The following CNTNAP3B variants were observed in gnomAD, a reference collection of about 807,000 sequenced individuals.
CNTNAP3B encodes the protein contactin associated protein family member 3B.
A neutral mutation model predicts 108.9 loss-of-function variants in CNTNAP3B; 25 were observed. That is an observed-to-expected ratio of 0.23 (90% CI 0.17 to 0.32). CNTNAP3B has a LOEUF of 0.32. CNTNAP3B is among the 10% of genes least tolerant of loss of function. The pLI is 1.00. For synonymous variants in CNTNAP3B, 103 were observed against 473.4 expected, an observed-to-expected ratio of 0.22 and a Z score of 10.16; for missense variants, 252 against 1,210.4, an observed-to-expected ratio of 0.21 and a Z score of 11.75.
At chr9:41,894,610 CT>C (rs1443741520) in intron 23 of CNTNAP3B, among the ~76,000 whole-genome samples, 2 of 7,016 alleles carry the variant, frequency 2.9e-4, no homozygotes, top group African/African-American at 1.6e-3. Flanking sequence ...CGGACTATGA[CT>C]TTTGGATATG....
chr9:41,961,156 G>T (rs1242163280), intron 11 of CNTNAP3B, among the ~76,000 whole-genome samples: 1 of 152,304 alleles, frequency 6.6e-6, no homozygotes, highest in African/African-American at 2.4e-5. Flanking sequence ...ATAAATATTC[G>T]GTCACAGTGT....
At chr9:41,925,786 T>C (rs1448739170) in intron 15 of CNTNAP3B, among the ~76,000 whole-genome samples, 684 of 151,824 alleles carry the variant, frequency 4.5e-3, no homozygotes, top group African/African-American at 0.016. Context: ...CACCCATGCC[T>C]TTTTCAGCTT....
intron 2 of CNTNAP3B, among the ~76,000 whole-genome samples, chr9:42,082,833 T>C (rs1827629699): frequency 2.8e-5 from 4 of 141,382 alleles, no homozygotes; most frequent in Admixed American, 7.0e-5. Context: ...AGACTTAAAA[T>C]TAATCATATA....
At chr9:42,054,636 A>G (rs1316886461) in intron 3 of CNTNAP3B, among the ~76,000 whole-genome samples, 2 of 151,772 alleles carry the variant, frequency 1.3e-5, no homozygotes, top group African/African-American at 4.9e-5. Context: ...ATGACCCAGG[A>G]CATGAATAAG....
chr9:42,125,624 G>A (rs1202341818), intron 1 of CNTNAP3B, among the ~76,000 whole-genome samples: 1 of 136,040 alleles, frequency 7.4e-6, no homozygotes, highest in Admixed American at 7.3e-5. Context: ...TTTGTATAGA[G>A]TTTGGTGAAA....
At chr9:41,944,461 A>G (rs1824462827) in intron 13 of CNTNAP3B, among the ~76,000 whole-genome samples, 1 of 152,266 alleles carries the variant, frequency 6.6e-6, no homozygotes, top group Non-Finnish European at 1.5e-5. Context: ...AATGAAGTGG[A>G]ATAGTGTTAT....
intron 2 of CNTNAP3B, among the ~76,000 whole-genome samples, chr9:42,096,380 C>T (rs1421359680): frequency 7.1e-6 from 1 of 140,542 alleles, no homozygotes; most frequent in African/African-American, 2.8e-5. Context: ...ACACCTTTAG[C>T]CTGCTCAATT....
chr9:42,020,478 T>C (rs1826292572), intron 3 of CNTNAP3B, among the ~76,000 whole-genome samples: 1 of 146,370 alleles, frequency 6.8e-6, no homozygotes. Flanking sequence ...CTCTCAGATT[T>C]CCTTATTATA....
At chr9:41,931,446 CA>C (rs1254742684) in intron 14 of CNTNAP3B, among the ~76,000 whole-genome samples, 1 of 152,272 alleles carries the variant, frequency 6.6e-6, no homozygotes, top group Admixed American at 6.5e-5. Flanking sequence ...ACCCATTAAT[CA>C]ACTTCTTTTA....
At chr9:41,956,505 A>C (rs2118171961) in intron 12 of CNTNAP3B, among the ~76,000 whole-genome samples, 1 of 152,350 alleles carries the variant, frequency 6.6e-6, no homozygotes, top group South Asian at 2.1e-4. Flanking sequence ...GATTGTCTGC[A>C]CTTAAAATTT....
intron 1 of CNTNAP3B, among the ~76,000 whole-genome samples, chr9:42,109,632 TAA>T: frequency 7.0e-6 from 1 of 142,990 alleles, no homozygotes; most frequent in African/African-American, 2.7e-5. Context: ...AGGATTTTAT[TAA>T]AAGACCAAAC....
At chr9:41,928,196 T>C (rs1402164181) in intron 15 of CNTNAP3B, among the ~76,000 whole-genome samples, 5 of 152,396 alleles carry the variant, frequency 3.3e-5, no homozygotes, top group East Asian at 1.9e-4. Flanking sequence ...TGGATGCTGA[T>C]AGAAAACACA....
At chr9:42,117,551 T>C (rs553812145) in intron 1 of CNTNAP3B, among the ~76,000 whole-genome samples, 1 of 140,686 alleles carries the variant, frequency 7.1e-6, no homozygotes, top group African/African-American at 2.8e-5. Context: ...TTTATAGCAC[T>C]AAATGCCCAC....
At chr9:41,954,959 T>C (rs561424600) in intron 12 of CNTNAP3B, among the ~76,000 whole-genome samples, 13 of 152,032 alleles carry the variant, frequency 8.6e-5, no homozygotes, top group African/African-American at 2.7e-4. Context: ...GTGCTGGGAT[T>C]ACAGGTGTGA....
intron 1 of CNTNAP3B, among the ~76,000 whole-genome samples, chr9:42,114,841 G>A (rs1277652918): frequency 7.3e-6 from 1 of 137,098 alleles, no homozygotes; most frequent in Non-Finnish European, 1.6e-5. Flanking sequence ...GGATCACAAG[G>A]TCAGGAGTTT....
intron 7 of CNTNAP3B, among the ~76,000 whole-genome samples, chr9:41,995,584 AGCCGGGC>A: frequency 1.5e-5 from 2 of 131,878 alleles, no homozygotes; most frequent in African/African-American, 6.2e-5. Flanking sequence ...AAATACAAAA[AGCCGGGC>A]ATGCTGGTGG....
At chr9:41,980,725 C>T (rs1427725843) in intron 9 of CNTNAP3B, 2 of 147,328 alleles carry the variant, frequency 1.4e-5, no homozygotes, top group African/African-American at 2.6e-5. Flanking sequence ...ACAAATGAGG[C>T]ATTGGAGGAA....
chr9:42,116,188 T>G (rs66645249), intron 1 of CNTNAP3B, among the ~76,000 whole-genome samples: 1 of 137,510 alleles, frequency 7.3e-6, no homozygotes, highest in African/African-American at 2.9e-5. Context: ...TAAAAAGAAA[T>G]GAACAAAGCC....
chr9:41,956,537 C>T (rs1218931058), intron 12 of CNTNAP3B, among the ~76,000 whole-genome samples: 1 of 151,966 alleles, frequency 6.6e-6, no homozygotes, highest in East Asian at 1.9e-4. Context: ...CATATGAAAT[C>T]CCCAGCATCT....
Sources: gnomAD v4.1 joint callset for allele counts (sites outside exome capture counted in the v4.1 genomes callset) on GRCh38, gnomAD v4.1.1 for gene constraint, MANE v1.5 for transcripts, NCBI Gene and HGNC (gene_info 2026-07-23, HGNC 2026-07-21) for gene names.